GTPBP8: variants seen among roughly 807,000 people sequenced by gnomAD.
The protein encoded by GTPBP8 is GTP-binding protein 8.
In GTPBP8, 21 loss-of-function variants were observed where a neutral mutation model predicts 27.3. The ratio of observed to expected loss-of-function variants is 0.77; its 90% CI spans 0.55 to 1.11. GTPBP8 has a LOEUF of 1.11. Ranked by LOEUF, GTPBP8 falls within the 50% of genes least tolerant of loss-of-function variation. The pLI, the probability that GTPBP8 is intolerant of heterozygous loss-of-function variation, is 0.00. For synonymous variants in GTPBP8, 147 were observed against 135.3 expected, an observed-to-expected ratio of 1.09 and a Z score of -0.60; for missense variants, 380 against 350.8, an observed-to-expected ratio of 1.08 and a Z score of -0.67.
At chr3:112,999,624 G>GTTT in intron 5 of GTPBP8, 60 bp downstream of exon 5, 3 of 645,886 alleles carry the variant, frequency 4.6e-6, no homozygotes, top group Non-Finnish European at 8.0e-6. Flanking sequence ...AATGTTGTGG[G>GTTT]TTTTTTTTTT....
chr3:112,997,889 C>T (rs987112952), intron 4 of GTPBP8, among the ~76,000 whole-genome samples: 8 of 151,992 alleles, frequency 5.3e-5, no homozygotes, highest in African/African-American at 9.7e-5. Context: ...ATCGCAGATA[C>T]TAGTTTATGA....
chr3:112,991,537 A>G, intron 1 of GTPBP8: 1 of 703,960 alleles, frequency 1.4e-6, no homozygotes, highest in East Asian at 2.7e-5. Context: ...TACAAAATGC[A>G]GTCAATACCC....
rs1020706246 is a variant in GTPBP8 at position 112,992,958 on chromosome 3, T to A, written c.337-68T>A. 2.6e-5 allele frequency: 21 copies of A among 804,872 alleles called. No individual in the cohort carries two copies. In the African/African-American group the frequency reaches 3.7e-4, roughly 14 times the overall value. The allele number at this position is 804,872 out of a possible 1,614,324, so 49.9% of individuals were successfully genotyped here. A position where few individuals can be genotyped will look rare whatever the true frequency, so the allele number is the denominator to read the frequency against. On this transcript the variant is annotated intron_variant, in intron 1 of 5. Transcript: ENST00000383678. ...ATATTAGCTGTGTTAGAATTTGAAG[T>A]TTTTTACATCTAATGCAGAATAGCA... is the stretch of plus-strand genomic sequence containing the variant.
intron 1 of GTPBP8, chr3:112,992,534 G>GA (rs1442564875): frequency 6.5e-6 from 1 of 153,290 alleles, no homozygotes; most frequent in Non-Finnish European, 1.5e-5. Flanking sequence ...GAGGTCAAGG[G>GA]AAAAGAGTAA....
At chr3:113,000,370 A>T (rs2107373418) in intron 5 of GTPBP8, among the ~76,000 whole-genome samples, 1 of 152,226 alleles carries the variant, frequency 6.6e-6, no homozygotes, top group South Asian at 2.1e-4. Flanking sequence ...TGTCTCAAAA[A>T]CCACCACCAC....
At chr3:112,992,899 A>C in intron 1 of GTPBP8, 127 bp from the exon 2 acceptor site, 2 of 568,450 alleles carry the variant, frequency 3.5e-6, no homozygotes, top group Non-Finnish European at 6.3e-6. Context: ...TGAATGCTTA[A>C]AATAGTACCT....
At position 113,001,911 on chromosome 3, in the gene GTPBP8, G is replaced by A. The variant is rs750395487; in HGVS notation, c.*992G>A. The A allele has an allele frequency of 6.6e-6, 1 of 152,160 alleles. No individual in the cohort carries two copies. The highest frequency in any genetic ancestry group is 1.5e-5 in the Non-Finnish European group (1 of 68,016). 9.4% of individuals were successfully genotyped at this position (152,160 alleles called of 1,614,324 possible). Reference sequence around the variant, plus strand: ...AAGTGGCTTAGGTTTTCAAAGTGAAGCTTAATATTAAAAGGTTATAGCTGT... The same window carrying A: ...AAGTGGCTTAGGTTTTCAAAGTGAAACTTAATATTAAAAGGTTATAGCTGT... On this transcript the variant is annotated 3_prime_UTR_variant, in exon 6 of 6. Coordinates refer to ENST00000383678, the MANE Select transcript of GTPBP8 (RefSeq NM_014170.4).
chr3:113,001,336 A>C lies in GTPBP8; in HGVS notation c.*417A>C, dbSNP rs1307552460. On this transcript the variant is annotated 3_prime_UTR_variant, in exon 6 of 6. Coordinates refer to ENST00000383678, the MANE Select transcript of GTPBP8 (RefSeq NM_014170.4). ...GGGGCTGCTTTTCTGTTAAGCATCG[A>C]TAGGTAAGTTGATGGATAAAAGTTA... The C allele has an allele frequency of 6.5e-6, 1 of 153,134 alleles. No individual in the cohort carries two copies. Among genetic ancestry groups the C allele is most frequent in the African/African-American group, 2.4e-5 (1 of 41,458 alleles). 9.5% of individuals were successfully genotyped at this position (153,134 alleles called of 1,614,324 possible). A position where few individuals can be genotyped will look rare whatever the true frequency, so the allele number is the denominator to read the frequency against.
chr3:112,996,872 T>C lies in GTPBP8; in HGVS notation c.567-20T>C. ...GTATATTTTATATTGCCATTAATCT[T>C]CTTTTCTACATGCTTATAGCTTGAA... On this transcript the variant is annotated intron_variant, in intron 3 of 5. Coordinates refer to ENST00000383678, the MANE Select transcript of GTPBP8 (RefSeq NM_014170.4). 9.0e-7 allele frequency: 1 copy of C among 1,110,098 alleles called. No individual in the cohort carries two copies. The highest frequency in any genetic ancestry group is 1.4e-6 in the Non-Finnish European group (1 of 721,684). 68.8% of individuals were successfully genotyped at this position (1,110,098 alleles called of 1,614,324 possible). A position where few individuals can be genotyped will look rare whatever the true frequency, so the allele number is the denominator to read the frequency against.
chr3:112,994,894 TA>T (rs140204733), intron 2 of GTPBP8, among the ~76,000 whole-genome samples: 2,789 of 152,368 alleles, frequency 0.018, 42 homozygotes, highest in Middle Eastern at 0.031. Flanking sequence ...ATATGGAATC[TA>T]AAGTTCTTCT....
At chr3:112,991,956 T>G (rs1173277327) in intron 1 of GTPBP8, 1 of 229,292 alleles carries the variant, frequency 4.4e-6, no homozygotes, top group Non-Finnish European at 8.8e-6. Flanking sequence ...GTCCTACAAT[T>G]TATTGATATT....
At chr3:113,000,510 G>T (rs1015227923) in intron 5 of GTPBP8, among the ~76,000 whole-genome samples, 3 of 152,026 alleles carry the variant, frequency 2.0e-5, no homozygotes, top group African/African-American at 4.8e-5. Flanking sequence ...TAATGGTGAT[G>T]GTAATTTTTT....
rs1261521629 is a variant in GTPBP8, at chr3:113,001,573, GT to G, written c.*658del. 1.3e-5 allele frequency: 2 copies of G among 152,104 alleles called. No individual in the cohort carries two copies. The highest frequency in any genetic ancestry group is 4.8e-5 in the African/African-American group (2 of 41,418). The allele number at this position is 152,104 out of a possible 1,614,324, so 9.4% of individuals were successfully genotyped here. ...AAAGCTATTAAGATTCAAATGAATG[GT>G]TTTACAGCAGGTAACATGTGAGAAG... On this transcript the variant is annotated 3_prime_UTR_variant, in exon 6 of 6. Coordinates refer to ENST00000383678, the MANE Select transcript of GTPBP8 (RefSeq NM_014170.4).
chr3:112,992,997 C>A, intron 1 of GTPBP8, 29 bp from the exon 2 acceptor site: 1 of 1,217,590 alleles, frequency 8.2e-7, no homozygotes, highest in East Asian at 2.3e-5. Flanking sequence ...ACAGCTAGTA[C>A]GTACTTATCT....
At chr3:112,993,652 C>G (rs1467761955) in intron 2 of GTPBP8, among the ~76,000 whole-genome samples, 1 of 152,196 alleles carries the variant, frequency 6.6e-6, no homozygotes. Context: ...ATCTAAGATA[C>G]CCTTTCTTCA....
chr3:112,996,923 G>A lies in GTPBP8; in HGVS notation c.598G>A (p.Val200Ile), dbSNP rs376586493. Residue 200 changes from valine (V) to isoleucine (I), a missense_variant, in exon 4 of 6, where the codon GTT (valine) becomes ATT (isoleucine). Physicochemically the swap from Val to Ile is conservative, Grantham distance 29. Transcript: ENST00000383678. ...GAGAACATTTTTATTAGTGGATAGC[G>A]TTGTTGGAATTCAAAAAACAGACAA... ...LKRTFLLVDS[V>I]VGIQKTDNIA... The A allele has an allele frequency of 1.1e-4, 180 of 1,571,724 alleles. No individual in the cohort carries two copies. In the East Asian group the frequency reaches 1.4e-3, roughly 12 times the overall value.
rs575428969 is a variant in GTPBP8 at position 112,999,201 on chromosome 3, A to G, written c.667-245A>G. Reference sequence around the variant, plus strand: ...GATCTTTCCAAGATATTGTGGCCCTATGTGGTTAAAGCACCATTAAGCAGC... The same window carrying G: ...GATCTTTCCAAGATATTGTGGCCCTGTGTGGTTAAAGCACCATTAAGCAGC... On this transcript the variant is annotated intron_variant, in intron 4 of 5. Transcript: ENST00000383678. Among the ~76,000 whole-genome samples the G allele has an allele frequency of 9.9e-4, 151 of 152,224 alleles. 1 individual carries two copies. The highest frequency in any genetic ancestry group is 3.5e-3 in the Admixed American group (53 of 15,288).
chr3:112,999,344 T>G, intron 4 of GTPBP8, 102 bp from the exon 5 acceptor site: 1 of 526,812 alleles, frequency 1.9e-6, no homozygotes, highest in Admixed American at 3.6e-5. Flanking sequence ...AGAGATAAAT[T>G]TGCACGGGTC....
intron 4 of GTPBP8, among the ~76,000 whole-genome samples, chr3:112,998,788 C>A (rs945966198): frequency 6.6e-6 from 1 of 152,132 alleles, no homozygotes; most frequent in Non-Finnish European, 1.5e-5. Context: ...TATCATGACA[C>A]CACACTCCTG....
Sources: allele counts gnomAD v4.1 joint callset (sites outside exome capture counted in the v4.1 genomes callset), GRCh38; gene constraint gnomAD v4.1.1; transcripts MANE v1.5; gene names NCBI Gene and HGNC (gene_info 2026-07-23, HGNC 2026-07-21).